The following SF1 variants were observed in gnomAD, a reference collection of about 807,000 sequenced individuals.
SF1 encodes branch point-binding protein.
Under a neutral mutation model 62.5 loss-of-function variants are expected in SF1, and 7 were observed. The observed-to-expected ratio is 0.11, with a 90% confidence interval of 0.06 to 0.21. The LOEUF is 0.21. SF1 is among the 10% of genes least tolerant of loss of function. The pLI, the probability that SF1 is intolerant of heterozygous loss-of-function variation, is 1.00. For missense variants in SF1, 578 were observed against 884.0 expected (o/e 0.65, Z 4.39); for synonymous variants, 394 against 323.6 (o/e 1.22, Z -2.33).
chr11:64,776,529 T>C lies in SF1; in HGVS notation c.129A>G (p.Gly43=). The C allele has an allele frequency of 6.4e-7, 1 of 1,573,478 alleles. No individual in the cohort carries two copies. Among genetic ancestry groups the C allele is most frequent in the Non-Finnish European group, 8.6e-7 (1 of 1,164,080 alleles). ...IPGMPTVIPP[G]LTREQERAYI... ...AAGCTCTTTCTTGTTCTCGAGTAAGTCCAGGGGGAATAACTGTAGGCATTC... is the reference window on the plus strand; with the variant it reads ...AAGCTCTTTCTTGTTCTCGAGTAAGCCCAGGGGGAATAACTGTAGGCATTC... Residue 43 remains glycine, a synonymous_variant, in exon 2 of 13, where the codon GGA becomes GGG. Coordinates refer to ENST00000377390, the MANE Select transcript of SF1 (RefSeq NM_004630.4).
At chr11:64,776,045 T>C (rs1221319346) in intron 2 of SF1, 1 of 156,132 alleles carries the variant, frequency 6.4e-6, no homozygotes, top group African/African-American at 2.5e-5. Context: ...TTTTTTTTTT[T>C]CAGAAAGTAC....
intron 3 of SF1, chr11:64,771,517 G>C (rs891103434): frequency 2.0e-6 from 2 of 985,278 alleles, no homozygotes; most frequent in Admixed American, 6.1e-5. Flanking sequence ...ACTGAACTCG[G>C]CTGCTCCCAC....
chr11:64,768,083 A>G (rs1169572304), intron 9 of SF1, 23 bp downstream of exon 9: 1 of 1,596,492 alleles, frequency 6.3e-7, no homozygotes, highest in African/African-American at 1.4e-5. Context: ...AGCCAGACCA[A>G]GAGAGCCAGC....
At chr11:64,776,980 T>C (rs1008063405) in intron 1 of SF1, among the ~76,000 whole-genome samples, 4 of 152,088 alleles carry the variant, frequency 2.6e-5, no homozygotes, top group African/African-American at 9.7e-5. Context: ...GAGACAAAAA[T>C]ACACTGAAGA....
intron 4 of SF1, 32 bp from the exon 5 acceptor site, chr11:64,770,085 T>A (rs995225182): frequency 1.3e-6 from 2 of 1,591,460 alleles, no homozygotes; most frequent in Non-Finnish European, 1.7e-6. Flanking sequence ...CACCGCACAT[T>A]TCTGGAGAAT....
intron 12 of SF1, 34 bp downstream of exon 12, chr11:64,766,858 CCCATCCCA>C: frequency 3.0e-5 from 18 of 609,392 alleles, no homozygotes; most frequent in Non-Finnish European, 4.9e-5. Flanking sequence ...CAGCCCCACC[CCCATCCCA>C]CCCACCCCCA....
In SF1 at chr11:64,766,946, C is replaced by T. The variant is rs201418411; in HGVS notation, c.1536G>A (p.Pro512=). 63 of 1,297,522 alleles carry T rather than the reference C, an allele frequency of 4.9e-5. No homozygotes were observed. The highest frequency in any genetic ancestry group is 6.0e-5 in the South Asian group (4 of 66,938). The allele number at this position is 1,297,522 out of a possible 1,614,324, so 80.4% of individuals were successfully genotyped here. A position where few individuals can be genotyped will look rare whatever the true frequency, so the allele number is the denominator to read the frequency against. Residue 512 remains proline (P), a synonymous_variant, in exon 12 of 13, where the codon CCG becomes CCA. Coordinates refer to ENST00000377390, the MANE Select transcript of SF1 (RefSeq NM_004630.4). ...QQQQQPPPPP[P]PSSSMASSTP... ...TACTGGAAGCCATACTGCTGCTGGGCGGAGGGGGTGGCGGAGGCTGCTGCT... is the reference window on the plus strand; with the variant it reads ...TACTGGAAGCCATACTGCTGCTGGGTGGAGGGGGTGGCGGAGGCTGCTGCT...
chr11:64,778,122 A>G, intron 1 of SF1: 2 of 788,328 alleles, frequency 2.5e-6, no homozygotes, highest in Non-Finnish European at 3.1e-6. Flanking sequence ...GCGCCGGGGG[A>G]CGGTGGCGGT....
Position 64,770,071 on chromosome 11 carries a change from G to C in SF1, c.390-18C>G, listed in dbSNP as rs773965992. On this transcript the variant is annotated intron_variant, in intron 4 of 12. Coordinates refer to ENST00000377390, the MANE Select transcript of SF1 (RefSeq NM_004630.4). ...CTGGAGGTCTAAGAAAGAAAAGCCT[G>C]TGTCACCGCACATTTCTGGAGAATG... is the stretch of plus-strand genomic sequence containing the variant. 1.2e-6 allele frequency: 2 copies of C among 1,603,070 alleles called. No individual in the cohort carries two copies. Among genetic ancestry groups the C allele is most frequent in the South Asian group, 2.2e-5 (2 of 90,742 alleles).
chr11:64,776,314 A>C (rs573048984), intron 2 of SF1, 184 bp downstream of exon 2: 228 of 622,468 alleles, frequency 3.7e-4, no homozygotes, highest in Non-Finnish European at 4.6e-4. Context: ...TTACGAACAG[A>C]CCAAAACAAG....
In SF1 at chr11:64,776,621, G is replaced by A; in HGVS notation, c.37C>T (p.Pro13Ser). The A allele has an allele frequency of 6.2e-7, 1 of 1,601,368 alleles. No individual in the cohort carries two copies. The highest frequency in any genetic ancestry group is 8.5e-7 in the Non-Finnish European group (1 of 1,176,630). The change falls in exon 2 of 13, where the codon CCA (proline) becomes TCA (serine). Residue 13 changes from proline (P) to serine (S), a missense_variant. Pro to Ser is a moderately conservative substitution (Grantham distance 74, BLOSUM62 -1). Around this residue, in one of 7 missense-constraint regions of SF1, gnomAD observed 37 missense variants for 34.6 expected, o/e 1.07. Transcript: ENST00000377390. Reference sequence around the variant, plus strand: ...CGGCTCCTCTTCCGCTTCTTACTTGGGAAGTCTAAAAGGCAGAGACAAAAT... The same window carrying A: ...CGGCTCCTCTTCCGCTTCTTACTTGAGAAGTCTAAAAGGCAGAGACAAAAT... ...TGANATPLDF[P>S]SKKRKRSRWN...
chr11:64,771,712 T>G (rs1489988129), intron 3 of SF1: 1 of 985,334 alleles, frequency 1.0e-6, no homozygotes, highest in Admixed American at 6.1e-5. Flanking sequence ...GACTACCATC[T>G]TATACATTTA....
Position 64,776,547 on chromosome 11 carries a change from A to T in SF1, c.111T>A (p.Pro37=). The T allele has an allele frequency of 6.3e-7, 1 of 1,579,290 alleles. No homozygotes were observed. The highest frequency in any genetic ancestry group is 8.6e-7 in the Non-Finnish European group (1 of 1,166,830). ...MEQKTVIPGM[P]TVIPPGLTRE... ...GAGTAAGTCCAGGGGGAATAACTGTAGGCATTCCTGGAATCACTGTCTTCT... is the reference window on the plus strand; with the variant it reads ...GAGTAAGTCCAGGGGGAATAACTGTTGGCATTCCTGGAATCACTGTCTTCT... The change falls in exon 2 of 13, where the codon CCT becomes CCA. Residue 37 remains proline, a synonymous_variant. Transcript: ENST00000377390.
At chr11:64,777,888 G>A (rs1939610961) in intron 1 of SF1, 4 of 933,558 alleles carry the variant, frequency 4.3e-6, no homozygotes, top group Non-Finnish European at 5.1e-6. Flanking sequence ...GCGCACGCGC[G>A]CCCCTGCCGC....
rs1425731910 is a variant in SF1, at chr11:64,768,010, C to A, written c.1068+96G>T. 5 of 1,467,452 alleles carry A rather than the reference C, an allele frequency of 3.4e-6. No individual in the cohort carries two copies. In the African/African-American group the frequency reaches 4.2e-5, roughly 12 times the overall value. The allele number at this position is 1,467,452 out of a possible 1,614,324, so 90.9% of individuals were successfully genotyped here. On this transcript the variant is annotated intron_variant, in intron 9 of 12. Coordinates refer to ENST00000377390, the MANE Select transcript of SF1 (RefSeq NM_004630.4). ...GAAGAACAATGTTGCCATCCACATC[C>A]ATTGTCTGCTCTACCCAAACCACGT...
At chr11:64,772,171 A>C (rs1257144731) in intron 3 of SF1, 1 of 985,278 alleles carries the variant, frequency 1.0e-6, no homozygotes, top group African/African-American at 1.7e-5. Flanking sequence ...TAGATCAACT[A>C]AATTCTAATC....
Position 64,768,301 on chromosome 11 carries a change from G to A in SF1, c.888-15C>T, listed in dbSNP as rs1248571028. The A allele has an allele frequency of 6.2e-7, 1 of 1,610,384 alleles. No individual in the cohort carries two copies. Among genetic ancestry groups the A allele is most frequent in the African/African-American group, 1.3e-5 (1 of 74,682 alleles). ...GATCACCAGGCCTGAAGTGGGGTGG[G>A]GGACACAAACAGAGAAAGGGGAAAA... On this transcript the variant is annotated splice_polypyrimidine_tract_variant and intron_variant, in intron 8 of 12. Coordinates refer to ENST00000377390, the MANE Select transcript of SF1 (RefSeq NM_004630.4).
chr11:64,772,471 G>A (rs1938481942), intron 3 of SF1: 2 of 985,200 alleles, frequency 2.0e-6, no homozygotes, highest in Non-Finnish European at 2.4e-6. Flanking sequence ...CTGGCAAAGG[G>A]CGGAAGAAAG....
chr11:64,778,177 AGGCGGC>A, intron 1 of SF1, 179 bp downstream of exon 1: 1 of 908,958 alleles, frequency 1.1e-6, no homozygotes, highest in African/African-American at 1.9e-5. Flanking sequence ...GCGGCGGCGG[AGGCGGC>A]GGAGGCAGCG....
Sources: gnomAD v4.1 joint callset for allele counts (sites outside exome capture counted in the v4.1 genomes callset) on GRCh38, gnomAD v4.1.1 for gene constraint, gnomAD v4.1.1 regional missense constraint, MANE v1.5 for transcripts, NCBI Gene and HGNC (gene_info 2026-07-23, HGNC 2026-07-21) for gene names.